Variants in HLA-DQB2 observed in about 807,000 individuals in gnomAD.
HLA-DQB2 encodes the protein major histocompatibility complex, class II, DQ beta 2, also known as HLA class II histocompatibility antigen, DQ beta 2 chain.
Under a neutral mutation model 29.2 loss-of-function variants are expected in HLA-DQB2, and 24 were observed. That is an observed-to-expected ratio of 0.82 (90% CI 0.60 to 1.16). The LOEUF (loss-of-function observed/expected upper bound fraction) is 1.16. HLA-DQB2 is among the 50% of genes most tolerant of loss of function. HLA-DQB2 has a pLI of 0.00. For missense variants in HLA-DQB2, 273 were observed against 343.6 expected, an observed-to-expected ratio of 0.79 and a Z score of 1.62; for synonymous variants, 104 against 133.1, an observed-to-expected ratio of 0.78 and a Z score of 1.51.
At chr6:32,759,562 T>G (rs1322841371) in intron 2 of HLA-DQB2, among the ~76,000 whole-genome samples, 2 of 151,822 alleles carry the variant, frequency 1.3e-5, no homozygotes, top group Admixed American at 1.3e-4. Flanking sequence ...CTCTGGCCAT[T>G]TTACTGCATT....
rs190811600 is a variant in HLA-DQB2 at position 32,756,336 on chromosome 6, A to G, written c.*117T>C. 1.3e-5 allele frequency: 9 copies of G among 716,372 alleles called. No individual in the cohort carries two copies. In the African/African-American group the frequency reaches 1.6e-4, roughly 13 times the overall value. 44.4% of individuals were successfully genotyped at this position (716,372 alleles called of 1,614,324 possible). A position where few individuals can be genotyped will look rare whatever the true frequency, so the allele number is the denominator to read the frequency against. On this transcript the variant is annotated 3_prime_UTR_variant, in exon 6 of 6. Coordinates refer to ENST00000437316, the MANE Select transcript of HLA-DQB2 (RefSeq NM_001300790.2). ...AAGGTGACCTGTGGCTGCATGAGCC[A>G]CTGTAGGACTCTGACCTCAGTGGGA...
At position 32,756,471 on chromosome 6, in the gene HLA-DQB2, A is replaced by T; in HGVS notation, c.782-5T>A. 1 of 1,571,850 alleles carries T rather than the reference A, an allele frequency of 6.4e-7. No individual in the cohort carries two copies. The highest frequency in any genetic ancestry group is 8.7e-7 in the Non-Finnish European group (1 of 1,152,388). On this transcript the variant is annotated splice_polypyrimidine_tract_variant and splice_region_variant and intron_variant, in intron 5 of 5. Coordinates refer to ENST00000437316, the MANE Select transcript of HLA-DQB2 (RefSeq NM_001300790.2). ...TCAGGAGTCAGTGCAGGAGTCCTGG[A>T]GAAGAGAGACGAGGCATGATCAGCA...
intron 3 of HLA-DQB2, 57 bp from the exon 4 acceptor site, chr6:32,757,940 A>G (rs2113923499): frequency 5.8e-6 from 5 of 868,564 alleles, no homozygotes; most frequent in Non-Finnish European, 6.6e-6. Context: ...TGTCCTTGGT[A>G]CAGGAGGTGG....
chr6:32,758,009 C>G (rs1405102802), intron 3 of HLA-DQB2, 126 bp from the exon 4 acceptor site: 2 of 867,982 alleles, frequency 2.3e-6, no homozygotes, highest in Non-Finnish European at 3.6e-6. Context: ...AAAGACCAGC[C>G]AGTAGGTCTT....
rs1396625127 is a variant in HLA-DQB2 at position 32,757,302 on chromosome 6, G to T, written c.760C>A (p.Pro254Thr). 2 of 1,549,196 alleles carry T rather than the reference G, an allele frequency of 1.3e-6. No individual in the cohort carries two copies. The highest frequency in any genetic ancestry group is 2.4e-5 in the East Asian group (1 of 40,924). ...TTACCTGCTGGTGGAGGCCCTCGAGGTCCTACAAAAGGAAGTTATACAGAG... is the reference window on the plus strand; with the variant it reads ...TTACCTGCTGGTGGAGGCCCTCGAGTTCCTACAAAAGGAAGTTATACAGAG... ...LIIRHRGQKG[P>T]RGPPPAGLLH Residue 254 changes from proline (P) to threonine (T), a missense_variant and splice_region_variant, in exon 5 of 6, where the codon CCT becomes ACT. Transcript: ENST00000437316.
At chr6:32,761,953 A>G in intron 1 of HLA-DQB2, 27 bp from the exon 2 acceptor site, 1 of 1,578,350 alleles carries the variant, frequency 6.3e-7, no homozygotes, top group Middle Eastern at 1.8e-4. Context: ...CGGGTCAGTC[A>G]GGCCCCAGCA....
At chr6:32,756,694 G>C (rs1359178108) in intron 5 of HLA-DQB2, 1 of 1,341,888 alleles carries the variant, frequency 7.5e-7, no homozygotes, top group Admixed American at 3.4e-5. Flanking sequence ...TACCCTTCTG[G>C]GTAATATGAA....
intron 3 of HLA-DQB2, 53 bp from the exon 4 acceptor site, chr6:32,757,936 T>G: frequency 6.5e-7 from 1 of 1,536,088 alleles, no homozygotes; most frequent in African/African-American, 1.4e-5. Flanking sequence ...ATAATGTCCT[T>G]GGTACAGGAG....
Position 32,756,142 on chromosome 6 carries a change from G to A in HLA-DQB2, c.*311C>T. 2 of 432,378 alleles carry A rather than the reference G, an allele frequency of 4.6e-6. No homozygotes were observed. The highest frequency in any genetic ancestry group is 8.2e-6 in the Non-Finnish European group (2 of 243,986). The allele number at this position is 432,378 out of a possible 1,614,324, so 26.8% of individuals were successfully genotyped here. A position where few individuals can be genotyped will look rare whatever the true frequency, so the allele number is the denominator to read the frequency against. ...ATTATGGGAAAAAGCACTAAAGTCAGGTAAATGATTTTGTTTGTCATGCTT... is the reference window on the plus strand; with the variant it reads ...ATTATGGGAAAAAGCACTAAAGTCAAGTAAATGATTTTGTTTGTCATGCTT... On this transcript the variant is annotated 3_prime_UTR_variant, in exon 6 of 6. Coordinates refer to ENST00000437316, the MANE Select transcript of HLA-DQB2 (RefSeq NM_001300790.2).
At chr6:32,762,640 T>A (rs1288030370) in intron 1 of HLA-DQB2, among the ~76,000 whole-genome samples, 1 of 152,208 alleles carries the variant, frequency 6.6e-6, no homozygotes, top group Non-Finnish European at 1.5e-5. Context: ...AATATCCATA[T>A]CACAAGTATA....
chr6:32,762,039 G>T, intron 1 of HLA-DQB2, 113 bp from the exon 2 acceptor site: 1 of 1,406,748 alleles, frequency 7.1e-7, no homozygotes, highest in Non-Finnish European at 9.6e-7. Context: ...TGCGAAACCC[G>T]TCCACGCGAA....
rs1318300708 is a variant in HLA-DQB2, at chr6:32,757,812, G to A, written c.718C>T (p.Leu240Phe). 6.2e-6 allele frequency: 10 copies of A among 1,613,758 alleles called. No homozygotes were observed. The highest frequency in any genetic ancestry group is 1.1e-5 in the South Asian group (1 of 91,030). Residue 240 changes from leucine to phenylalanine, a missense_variant, in exon 4 of 6, where the codon CTC (leucine) becomes TTC (phenylalanine). Transcript: ENST00000437316. ...TGACGGATGATAAGGCCCAGCCCGA[G>A]GAAGATCAGCCCCAGCACGAAGCCT... ...IGGFVLGLIF[L>F]GLGLIIRHRG...
chr6:32,758,192 C>T (rs1027218992), intron 3 of HLA-DQB2, among the ~76,000 whole-genome samples: 3 of 152,076 alleles, frequency 2.0e-5, no homozygotes, highest in African/African-American at 7.2e-5. Flanking sequence ...TCTGTGGCCC[C>T]ACCCAAATTT....
intron 1 of HLA-DQB2, among the ~76,000 whole-genome samples, chr6:32,762,442 G>A (rs894053461): frequency 2.1e-5 from 3 of 140,114 alleles, no homozygotes; most frequent in African/African-American, 7.9e-5. Context: ...CCCATGCCTG[G>A]ATTTACTCTC....
intron 5 of HLA-DQB2, chr6:32,757,048 C>T: frequency 4.3e-6 from 6 of 1,389,804 alleles, no homozygotes; most frequent in Non-Finnish European, 5.6e-6. Context: ...GAGACAGACT[C>T]TAGCTCTATC....
In HLA-DQB2 at chr6:32,761,673, G is replaced by T. The variant is rs1178007905; in HGVS notation, c.351C>A (p.Thr117=). 1 of 1,549,536 alleles carries T rather than the reference G, an allele frequency of 6.5e-7. No homozygotes were observed. The highest frequency in any genetic ancestry group is 8.7e-7 in the Non-Finnish European group (1 of 1,147,190). The change falls in exon 2 of 6, where the codon ACC becomes ACA. Residue 117 remains threonine, a synonymous_variant. Transcript: ENST00000437316. The stretch of plus-strand genomic sequence containing the variant: ...GACGACGCTCACCTTGCCGCTGCAA[G>T]GTCGTGCGCAGCTCCGCCTCGTAGT... ...RHNYEAELRT[T]LQRQVEPTVT... is the part of the protein sequence containing the mutation.
chr6:32,761,939 A>T lies in HLA-DQB2; in HGVS notation c.98-13T>A. 6.3e-7 allele frequency: 1 copy of T among 1,594,996 alleles called. No individual in the cohort carries two copies. Among genetic ancestry groups the T allele is most frequent in the South Asian group, 1.1e-5 (1 of 88,118 alleles). Reference sequence around the variant, plus strand: ...ACCAAGAAATCCTCTGCGGAGAATCACGGCGGGTCAGTCAGGCCCCAGCAC... The same window carrying T: ...ACCAAGAAATCCTCTGCGGAGAATCTCGGCGGGTCAGTCAGGCCCCAGCAC... On this transcript the variant is annotated splice_polypyrimidine_tract_variant and intron_variant, in intron 1 of 5. Coordinates refer to ENST00000437316, the MANE Select transcript of HLA-DQB2 (RefSeq NM_001300790.2).
chr6:32,759,236 C>CT lies in HLA-DQB2; in HGVS notation c.365-106_365-105insA, dbSNP rs1417797885. On this transcript the variant is annotated intron_variant, in intron 2 of 5. Coordinates refer to ENST00000437316, the MANE Select transcript of HLA-DQB2 (RefSeq NM_001300790.2). ...TCCTTGGAACCAGAATAGAAAGATA[C>CT]CTGGAGTCCAAGTCTTGGATTAAGG... The CT allele has an allele frequency of 1.0e-5, 14 of 1,376,486 alleles. No homozygotes were observed. In the South Asian group the frequency reaches 1.9e-4, roughly 19 times the overall value. 85.3% of individuals were successfully genotyped at this position (1,376,486 alleles called of 1,614,324 possible).
intron 2 of HLA-DQB2, 66 bp from the exon 3 acceptor site, chr6:32,759,197 G>C (rs1410163436): frequency 1.4e-6 from 2 of 1,463,046 alleles, no homozygotes; most frequent in Admixed American, 2.1e-5. Flanking sequence ...CACGCCTGCT[G>C]TGAGGAAGGT....
Sources: allele counts gnomAD v4.1 joint callset (sites outside exome capture counted in the v4.1 genomes callset), GRCh38; gene constraint gnomAD v4.1.1; transcripts MANE v1.5; gene names NCBI Gene and HGNC (gene_info 2026-07-23, HGNC 2026-07-21).